Variants in SNTB1 observed in about 807,000 individuals in gnomAD.
SNTB1 encodes beta-1-syntrophin.
In SNTB1, 36 loss-of-function variants were observed where a neutral mutation model predicts 48.9. The ratio of observed to expected loss-of-function variants is 0.74; its 90% confidence interval spans 0.56 to 0.97. SNTB1 has a LOEUF of 0.97. SNTB1 is among the 50% of genes least tolerant of loss of function. The probability of loss-of-function intolerance (pLI) is 0.00; values close to 1 mark genes in which losing one functional copy is unlikely to be tolerated. For missense variants in SNTB1, 786 were observed against 703.4 expected (o/e 1.12, Z -1.33); for synonymous variants, 299 against 294.6 (o/e 1.01, Z -0.15).
chr8:120,693,695 T>C lies in SNTB1; in HGVS notation c.785A>G (p.Asn262Ser). ...GGAGAGTTTTGACCCTATTTACCTG[T>C]TCTCAGGGTCGGCCAAGGCCATACT... ...TRSMALADPE[N>S]RQLEIHSPDA... The change falls in exon 2 of 7, where the codon AAC (asparagine) becomes AGC (serine). Residue 262 changes from asparagine (N) to serine (S), a missense_variant. By Grantham distance (46) the Asn-to-Ser change is conservative. Coordinates refer to ENST00000517992, the MANE Select transcript of SNTB1 (RefSeq NM_021021.4). 6.2e-7 allele frequency: 1 copy of C among 1,613,910 alleles called. No individual in the cohort carries two copies. The highest frequency in any genetic ancestry group is 1.3e-5 in the African/African-American group (1 of 75,052).
Position 120,811,347 on chromosome 8 carries a change from G to C in SNTB1, c.497C>G (p.Ala166Gly). The change falls in exon 1 of 7, where the codon GCC becomes GGC. Residue 166 changes from alanine to glycine, a missense_variant. Coordinates refer to ENST00000517992, the MANE Select transcript of SNTB1 (RefSeq NM_021021.4). ...GTCGTGGGTGGCGTCCCGCAGGTCG[G>C]CTCCGTTCACGGACAGGATGGCGTC... ...VGDAILSVNG[A>G]DLRDATHDEA... 5 of 1,612,996 alleles carry C rather than the reference G, an allele frequency of 3.1e-6. No homozygotes were observed. The highest frequency in any genetic ancestry group is 4.2e-6 in the Non-Finnish European group (5 of 1,179,886).
intron 4 of SNTB1, among the ~76,000 whole-genome samples, chr8:120,554,476 T>C (rs1468421572): frequency 6.6e-6 from 1 of 152,196 alleles, no homozygotes; most frequent in Non-Finnish European, 1.5e-5. Flanking sequence ...GCCTCATCTG[T>C]GATTGGTTTT....
intron 1 of SNTB1, among the ~76,000 whole-genome samples, chr8:120,767,361 C>T (rs1819544250): frequency 6.6e-6 from 1 of 152,058 alleles, no homozygotes; most frequent in Non-Finnish European, 1.5e-5. Flanking sequence ...ACTTCTAAAC[C>T]CCCTCCCACT....
At chr8:120,782,292 GA>G (rs764126567) in intron 1 of SNTB1, among the ~76,000 whole-genome samples, 2 of 152,092 alleles carry the variant, frequency 1.3e-5, no homozygotes, top group African/African-American at 2.4e-5. Flanking sequence ...CACCTTTTGA[GA>G]TACTGGAGTT....
chr8:120,623,388 T>C (rs1309237828), intron 3 of SNTB1, among the ~76,000 whole-genome samples: 1 of 152,246 alleles, frequency 6.6e-6, no homozygotes, highest in African/African-American at 2.4e-5. Flanking sequence ...CCAGCTACAC[T>C]GCACCTAGTC....
At position 120,655,153 on chromosome 8, in the gene SNTB1, C is replaced by T. The variant is rs554454712; in HGVS notation, c.789-22502G>A. ...TTCTGTAGTTTCTAGTTTTTTTCAG[C>T]GTAATCAGGAAAAAATTAGAAAACT... is the stretch of plus-strand genomic sequence containing the variant. On this transcript the variant is annotated intron_variant, in intron 2 of 6. Coordinates refer to ENST00000517992, the MANE Select transcript of SNTB1 (RefSeq NM_021021.4). 602 of 217,248 alleles carry T rather than the reference C, an allele frequency of 2.8e-3. 14 individuals are homozygous for T. In the Middle Eastern group the frequency reaches 0.057, roughly 21 times the overall value. 13.5% of individuals were successfully genotyped at this position (217,248 alleles called of 1,614,324 possible).
intron 2 of SNTB1, among the ~76,000 whole-genome samples, chr8:120,675,581 C>T (rs1430380627): frequency 6.6e-6 from 1 of 152,158 alleles, no homozygotes; most frequent in African/African-American, 2.4e-5. Context: ...TTATCATTGT[C>T]TCAGCCCAGA....
At chr8:120,745,591 G>T (rs561568602) in intron 1 of SNTB1, among the ~76,000 whole-genome samples, 1 of 152,140 alleles carries the variant, frequency 6.6e-6, no homozygotes, top group South Asian at 2.1e-4. Context: ...GCCCTTCCTA[G>T]CTCCCTCATT....
chr8:120,630,664 C>G (rs1816964315), intron 3 of SNTB1, among the ~76,000 whole-genome samples: 1 of 152,098 alleles, frequency 6.6e-6, no homozygotes, highest in African/African-American at 2.4e-5. Flanking sequence ...CTTTTGCTTC[C>G]CTGGTATCCA....
rs1290286918 is a variant in SNTB1 at position 120,535,897 on chromosome 8, G to GAATATCT, written c.*2973_*2979dup. The GAATATCT allele has an allele frequency of 8.6e-5, 13 of 152,024 alleles. No homozygotes were observed. Among genetic ancestry groups the GAATATCT allele is most frequent in the Admixed American group, 3.9e-4 (6 of 15,258 alleles). 9.4% of individuals were successfully genotyped at this position (152,024 alleles called of 1,614,324 possible). A position where few individuals can be genotyped will look rare whatever the true frequency, so the allele number is the denominator to read the frequency against. ...AGCCTACTCCAATCCCCTCAAGACGGAATATCTAACGTGTTTGGAAAACAG... is the reference window on the plus strand; with the variant it reads ...AGCCTACTCCAATCCCCTCAAGACGGAATATCTAATATCTAACGTGTTTGGAAAACAG... On this transcript the variant is annotated 3_prime_UTR_variant, in exon 7 of 7. Transcript: ENST00000517992.
intron 1 of SNTB1, among the ~76,000 whole-genome samples, chr8:120,699,004 A>G (rs543008876): frequency 6.6e-6 from 1 of 152,322 alleles, no homozygotes; most frequent in East Asian, 1.9e-4. Flanking sequence ...TTTGTTATTC[A>G]TTTGTCAAAA....
At chr8:120,771,395 G>A (rs1395112367) in intron 1 of SNTB1, among the ~76,000 whole-genome samples, 1 of 152,150 alleles carries the variant, frequency 6.6e-6, no homozygotes, top group Non-Finnish European at 1.5e-5. Context: ...ACAAATTTCT[G>A]TTTCCATGTG....
rs768449455 is a variant in SNTB1 at position 120,541,897 on chromosome 8, T to C, written c.1437A>G (p.Ile479Met). ...TTTTGAGCTTTTCATAAGGAGACTG[T>C]ATGATGGTCTTGGGAAAGGCACCCT... is the stretch of plus-strand genomic sequence containing the variant. The part of the protein sequence containing the change: ...PQEGAFPKTI[I>M]QSPYEKLKMS... The change falls in exon 6 of 7, where the codon ATA becomes ATG. Residue 479 changes from isoleucine to methionine, a missense_variant. By Grantham distance (10) the Ile-to-Met change is conservative. Coordinates refer to ENST00000517992, the MANE Select transcript of SNTB1 (RefSeq NM_021021.4). 10 of 1,613,858 alleles carry C rather than the reference T, an allele frequency of 6.2e-6. No individual in the cohort carries two copies. Among genetic ancestry groups the C allele is most frequent in the Non-Finnish European group, 8.5e-6 (10 of 1,179,846 alleles).
At chr8:120,620,117 C>T (rs1816770848) in intron 3 of SNTB1, among the ~76,000 whole-genome samples, 1 of 151,994 alleles carries the variant, frequency 6.6e-6, no homozygotes, top group Admixed American at 6.5e-5. Flanking sequence ...GTAGCATTCA[C>T]AAATTTGGAG....
At chr8:120,584,135 A>G (rs13252011) in intron 3 of SNTB1, among the ~76,000 whole-genome samples, 110,338 of 151,892 alleles carry the variant, frequency 0.73, 41,036 homozygotes, top group Non-Finnish European at 0.82. Context: ...ACAAAACGCT[A>G]TCTCTACCGA....
At chr8:120,804,396 C>T (rs1325527094) in intron 1 of SNTB1, among the ~76,000 whole-genome samples, 2 of 152,144 alleles carry the variant, frequency 1.3e-5, no homozygotes, top group Non-Finnish European at 2.9e-5. Flanking sequence ...TAATCAGCCT[C>T]AAATACCCTA....
chr8:120,606,180 A>G (rs1419629918), intron 3 of SNTB1, among the ~76,000 whole-genome samples: 5 of 142,240 alleles, frequency 3.5e-5, no homozygotes, highest in Non-Finnish European at 6.3e-5. Flanking sequence ...ATCTATATAT[A>G]TAATTATATA....
chr8:120,547,847 C>T (rs1186251962), intron 5 of SNTB1, among the ~76,000 whole-genome samples: 2 of 152,152 alleles, frequency 1.3e-5, no homozygotes, highest in East Asian at 1.9e-4. Context: ...GGTCACTCTT[C>T]CCAGAACTGT....
intron 2 of SNTB1, among the ~76,000 whole-genome samples, chr8:120,677,721 A>T (rs185835520): frequency 6.6e-6 from 1 of 152,284 alleles, no homozygotes; most frequent in Admixed American, 6.5e-5. Context: ...GTATATTCAT[A>T]GAGATACTAT....
Sources: gnomAD v4.1 joint callset for allele counts (sites outside exome capture counted in the v4.1 genomes callset) on GRCh38, gnomAD v4.1.1 for gene constraint, MANE v1.5 for transcripts, NCBI Gene and HGNC (gene_info 2026-07-23, HGNC 2026-07-21) for gene names.